Variants in RYR1 observed in about 807,000 individuals in gnomAD.
RYR1 encodes the protein central core disease of muscle.
RYR1 carries 342 observed loss-of-function variants against 583.5 expected under a neutral mutation model. That is an observed-to-expected ratio of 0.59 (90% confidence interval 0.54 to 0.64). The LOEUF is 0.64. Ranked by LOEUF, RYR1 falls within the 30% of genes least tolerant of loss-of-function variation. The probability of loss-of-function intolerance (pLI) is 0.00; values close to 1 mark genes in which losing one functional copy is unlikely to be tolerated. For synonymous variants in RYR1, 2,791 were observed against 2,822.5 expected (o/e 0.99, Z 0.35); for missense variants, 6,032 against 6,917.2 (o/e 0.87, Z 4.54).
Position 38,458,217 on chromosome 19 carries a change from G to C in RYR1, c.2092G>C (p.Gly698Arg). ...TEGYTPYPGAGEGWGGNGVGD... is the reference protein window; with the variant it reads ...TEGYTPYPGAREGWGGNGVGD... ...GGGCTACACCCCCTACCCTGGGGCCGGCGAGGGCTGGGGCGGCAACGGGGT... is the reference window on the plus strand; with the variant it reads ...GGGCTACACCCCCTACCCTGGGGCCCGCGAGGGCTGGGGCGGCAACGGGGT... The change falls in exon 18 of 106, where the codon GGC becomes CGC. Residue 698 changes from glycine to arginine, a missense_variant. Gly to Arg is a moderately radical substitution (Grantham distance 125, BLOSUM62 -2). This residue lies in a region of RYR1 where 2,627 missense variants were observed against 2,961.3 expected (regional missense o/e 0.89). Coordinates refer to ENST00000359596, the MANE Select transcript of RYR1 (RefSeq NM_000540.3). The C allele has an allele frequency of 6.2e-7, 1 of 1,614,004 alleles. No homozygotes were observed. The highest frequency in any genetic ancestry group is 8.5e-7 in the Non-Finnish European group (1 of 1,180,032).
intron 39 of RYR1, 41 bp downstream of exon 39, chr19:38,494,666 G>C: frequency 6.2e-7 from 1 of 1,611,550 alleles, no homozygotes; most frequent in African/African-American, 1.3e-5. Context: ...ATATCCCCTT[G>C]GGTAATGAAT....
intron 91 of RYR1, among the ~76,000 whole-genome samples, chr19:38,566,050 A>G: frequency 6.7e-6 from 1 of 149,236 alleles, no homozygotes; most frequent in East Asian, 2.0e-4. Flanking sequence ...AGGGCCGGAC[A>G]GAGTGCAGGG....
At position 38,499,566 on chromosome 19, in the gene RYR1, TC is replaced by T. The variant is rs759853298; in HGVS notation, c.7028-67del. On this transcript the variant is annotated intron_variant, in intron 43 of 105. Coordinates refer to ENST00000359596, the MANE Select transcript of RYR1 (RefSeq NM_000540.3). This position sits in a 1 kb window ranked among gnomAD's most constrained non-coding sequence, Gnocchi z 7.3. ...CTGTGTTACCCCTGGAGGTGTTGGG[TC>T]CTGGGGCTGCATGGGGAGGTCTCTG... 5 of 1,553,490 alleles carry T rather than the reference TC, an allele frequency of 3.2e-6. No homozygotes were observed. The highest frequency in any genetic ancestry group is 4.4e-6 in the Non-Finnish European group (5 of 1,146,216).
chr19:38,528,684 G>C lies in RYR1; in HGVS notation c.11023G>C (p.Asp3675His), dbSNP rs145026307. The change falls in exon 75 of 106, where the codon GAT becomes CAT. Residue 3675 changes from aspartate (D) to histidine (H), a missense_variant. Transcript: ENST00000359596. ...EDHSFEDRMI[D>H]DLSKAGEQEE... ...CCACAGTTTTGAGGACCGCATGATA[G>C]ATGACCTTTCAGTGAGCTGGGACCC... 10 of 1,614,086 alleles carry C rather than the reference G, an allele frequency of 6.2e-6. No individual in the cohort carries two copies. The highest frequency in any genetic ancestry group is 1.3e-5 in the African/African-American group (1 of 74,932).
At chr19:38,439,032 C>G (rs947592422) in intron 1 of RYR1, among the ~76,000 whole-genome samples, 2 of 152,134 alleles carry the variant, frequency 1.3e-5, no homozygotes, top group South Asian at 4.2e-4. Flanking sequence ...TCTTGATCTT[C>G]ATTGACTTTA....
chr19:38,585,185 A>G (rs1463591574), intron 102 of RYR1, 86 bp downstream of exon 102: 1 of 1,488,016 alleles, frequency 6.7e-7, no homozygotes, highest in Non-Finnish European at 9.2e-7. Flanking sequence ...GTCGGCCTGC[A>G]TTCATACCCC....
Position 38,567,834 on chromosome 19 carries a change from G to T in RYR1, c.13576G>T (p.Ala4526Ser). 6.2e-7 allele frequency: 1 copy of T among 1,614,156 alleles called. No individual in the cohort carries two copies. The highest frequency in any genetic ancestry group is 2.2e-5 in the East Asian group (1 of 44,876). Residue 4526 changes from alanine to serine, a missense_variant, in exon 93 of 106, where the codon GCA becomes TCA. Ala to Ser is a moderately conservative substitution (Grantham distance 99). Coordinates refer to ENST00000359596, the MANE Select transcript of RYR1 (RefSeq NM_000540.3). ...EPTPEPPKKQ[A>S]PPSPPPKKEE... ...CACACCAGAGCCCCCCAAGAAGCAA[G>T]CACCTCCCTCACCCCCTCCAAAGAA... is the stretch of plus-strand genomic sequence containing the variant.
chr19:38,542,379 G>A (rs1972236442), intron 84 of RYR1, among the ~76,000 whole-genome samples: 1 of 152,010 alleles, frequency 6.6e-6, no homozygotes, highest in Admixed American at 6.6e-5. Context: ...AAACTAACGA[G>A]GAACTGAATC....
chr19:38,507,024 C>T (rs1472960496), intron 57 of RYR1, 72 bp downstream of exon 57: 16 of 1,606,356 alleles, frequency 1.0e-5, no homozygotes, highest in Non-Finnish European at 1.3e-5. Flanking sequence ...AGGGGCGGGG[C>T]CAGAGAGGGG....
At chr19:38,516,352 C>A in intron 65 of RYR1, 135 bp downstream of exon 65, 1 of 1,041,770 alleles carries the variant, frequency 9.6e-7, no homozygotes, top group Non-Finnish European at 1.4e-6. Flanking sequence ...TTGGGAGTGC[C>A]ACACATTCAG....
chr19:38,475,095 C>A (rs1047797155), intron 28 of RYR1, among the ~76,000 whole-genome samples: 3 of 152,128 alleles, frequency 2.0e-5, no homozygotes, highest in Non-Finnish European at 4.4e-5. Flanking sequence ...CTCCATATTC[C>A]CAGAAGGCGC....
intron 89 of RYR1, among the ~76,000 whole-genome samples, chr19:38,557,136 C>T (rs967862710): frequency 6.1e-5 from 9 of 147,736 alleles, no homozygotes; most frequent in Non-Finnish European, 1.0e-4. Context: ...TCACTGCAAC[C>T]TCCGCCTCCC....
intron 20 of RYR1, among the ~76,000 whole-genome samples, chr19:38,462,992 G>T (rs1385402213): frequency 7.0e-6 from 1 of 141,886 alleles, no homozygotes; most frequent in Admixed American, 7.9e-5. Context: ...TGCCTCCAGA[G>T]TTCAAGCAAT....
At chr19:38,536,459 G>A (rs188091054) in intron 82 of RYR1, among the ~76,000 whole-genome samples, 9 of 151,064 alleles carry the variant, frequency 6.0e-5, no homozygotes, top group Non-Finnish European at 1.3e-4. Context: ...CTTTCTACCC[G>A]GATCCTCGCT....
At chr19:38,486,568 C>T (rs1186599351) in intron 34 of RYR1, among the ~76,000 whole-genome samples, 2 of 152,174 alleles carry the variant, frequency 1.3e-5, no homozygotes, top group African/African-American at 4.8e-5. Flanking sequence ...GTCTCAAACT[C>T]CTGACCTCCT....
intron 22 of RYR1, 33 bp from the exon 23 acceptor site, chr19:38,464,606 C>G: frequency 6.5e-7 from 1 of 1,540,842 alleles, no homozygotes; most frequent in South Asian, 1.2e-5. Flanking sequence ...CTCTGAGGGG[C>G]GTGACCTGTC....
chr19:38,497,291 T>C (rs949931037), intron 42 of RYR1, among the ~76,000 whole-genome samples: 1 of 152,086 alleles, frequency 6.6e-6, no homozygotes, highest in Non-Finnish European at 1.5e-5. Context: ...ATCCGCACGC[T>C]ACGCTTCCGG....
At chr19:38,502,361 TG>T in intron 47 of RYR1, 145 bp from the exon 48 acceptor site, 1 of 725,098 alleles carries the variant, frequency 1.4e-6, no homozygotes, top group South Asian at 1.6e-5. Context: ...GGGCATAGGG[TG>T]GGAGGAGGGT....
chr19:38,528,346 A>G lies in RYR1; in HGVS notation c.10865A>G (p.Lys3622Arg), dbSNP rs750207254. The G allele has an allele frequency of 6.2e-7, 1 of 1,614,132 alleles. No individual in the cohort carries two copies. The highest frequency in any genetic ancestry group is 1.1e-5 in the South Asian group (1 of 91,080). ...PYKSKKAVWH[K>R]LLSKQRRRAV... Reference sequence around the variant, plus strand: ...AAGTCTAAGAAGGCCGTGTGGCACAAGCTTTTGTCCAAACAGCGCCGGCGG... The same window carrying G: ...AAGTCTAAGAAGGCCGTGTGGCACAGGCTTTTGTCCAAACAGCGCCGGCGG... Residue 3622 changes from lysine to arginine, a missense_variant, in exon 74 of 106, where the codon AAG becomes AGG. Lys to Arg is a conservative substitution (Grantham distance 26). Transcript: ENST00000359596.
Sources: allele counts gnomAD v4.1 joint callset (sites outside exome capture counted in the v4.1 genomes callset), GRCh38; gene constraint gnomAD v4.1.1; regional missense constraint gnomAD v4.1.1; non-coding constraint Gnocchi (gnomAD v3.1); transcripts MANE v1.5; gene names NCBI Gene and HGNC (gene_info 2026-07-23, HGNC 2026-07-21).